Variants in TBC1D5 observed in about 807,000 individuals in gnomAD.
The protein encoded by TBC1D5 is TBC1 domain family member 5.
A neutral mutation model predicts 100.3 loss-of-function variants in TBC1D5; 75 were observed. The ratio of observed to expected loss-of-function variants is 0.75; its 90% confidence interval spans 0.62 to 0.91. The LOEUF (loss-of-function observed/expected upper bound fraction) is 0.91. TBC1D5 is among the 40% of genes least tolerant of loss of function. The probability of loss-of-function intolerance (pLI) is 0.00; values close to 1 mark genes in which losing one functional copy is unlikely to be tolerated. For synonymous variants in TBC1D5, 323 were observed against 325.6 expected, an observed-to-expected ratio of 0.99 and a Z score of 0.09; for missense variants, 910 against 942.4, an observed-to-expected ratio of 0.97 and a Z score of 0.45.
chr3:17,591,265 A>AAAAAAAAAAAAC (rs2096769423), intron 2 of TBC1D5, among the ~76,000 whole-genome samples: 5 of 109,196 alleles, frequency 4.6e-5, no homozygotes, highest in Non-Finnish European at 5.6e-5. Context: ...AAAAAAAAAA[A>AAAAAAAAAAAAC]ACAAAAACCC....
intron 3 of TBC1D5, among the ~76,000 whole-genome samples, chr3:17,497,942 C>T (rs1398747383): frequency 2.0e-5 from 3 of 151,930 alleles, no homozygotes; most frequent in Admixed American, 1.3e-4. Context: ...ACAAAATAGT[C>T]ACTGTAATTT....
intron 3 of TBC1D5, among the ~76,000 whole-genome samples, chr3:17,447,257 G>A (rs2094820477): frequency 1.3e-5 from 2 of 152,188 alleles, no homozygotes; most frequent in African/African-American, 4.8e-5. Context: ...CGAGAATAAA[G>A]CTACTGCTGT....
intron 3 of TBC1D5, among the ~76,000 whole-genome samples, chr3:17,457,294 C>T (rs1396316625): frequency 1.3e-5 from 2 of 152,006 alleles, no homozygotes; most frequent in Non-Finnish European, 2.9e-5. Flanking sequence ...ACTCTTTTCT[C>T]TTTTTTTCCA....
chr3:17,403,578 A>G (rs1472444744), intron 7 of TBC1D5, among the ~76,000 whole-genome samples: 2 of 152,120 alleles, frequency 1.3e-5, no homozygotes, highest in African/African-American at 2.4e-5. Context: ...AAAAAAATAC[A>G]AATCAGAAAA....
intron 8 of TBC1D5, among the ~76,000 whole-genome samples, chr3:17,391,432 C>A (rs1329346041): frequency 6.6e-6 from 1 of 152,060 alleles, no homozygotes; most frequent in East Asian, 1.9e-4. Context: ...AGCTATACTG[C>A]TCCCAAACTC....
At chr3:17,330,315 A>C (rs373815073) in intron 13 of TBC1D5, among the ~76,000 whole-genome samples, 6 of 152,126 alleles carry the variant, frequency 3.9e-5, no homozygotes, top group African/African-American at 1.4e-4. Context: ...TGGCACCCAC[A>C]TGAAGTTAAC....
chr3:17,222,812 T>TTA (rs2074430785), intron 17 of TBC1D5, among the ~76,000 whole-genome samples: 1 of 152,066 alleles, frequency 6.6e-6, no homozygotes, highest in South Asian at 2.1e-4. Flanking sequence ...TCCTGTGATA[T>TTA]TATACTCTAC....
chr3:17,254,275 A>C (rs2077431704), intron 16 of TBC1D5, among the ~76,000 whole-genome samples: 1 of 152,248 alleles, frequency 6.6e-6, no homozygotes. Context: ...GTTTAACTTC[A>C]TAAGAAATTA....
At chr3:17,463,351 T>C (rs2095247942) in intron 3 of TBC1D5, among the ~76,000 whole-genome samples, 1 of 152,210 alleles carries the variant, frequency 6.6e-6, no homozygotes, top group South Asian at 2.1e-4. Context: ...TTCCATTGGA[T>C]TGGATACTAC....
chr3:17,408,971 A>T (rs1431267542), intron 4 of TBC1D5, among the ~76,000 whole-genome samples: 1 of 152,148 alleles, frequency 6.6e-6, no homozygotes, highest in Non-Finnish European at 1.5e-5. Context: ...CCAAGTAGTT[A>T]CGCATATATA....
chr3:17,394,487 A>G (rs1044806441), intron 8 of TBC1D5, among the ~76,000 whole-genome samples: 1 of 152,104 alleles, frequency 6.6e-6, no homozygotes, highest in Non-Finnish European at 1.5e-5. Context: ...ATTTTACTAG[A>G]TGACTATTAA....
chr3:17,331,075 A>G (rs2151153211), intron 13 of TBC1D5, among the ~76,000 whole-genome samples: 1 of 152,060 alleles, frequency 6.6e-6, no homozygotes, highest in East Asian at 1.9e-4. Context: ...TCCTCTTCAT[A>G]CTACACCCTT....
In TBC1D5 at chr3:17,365,207, C is replaced by A. The variant is rs1312979076; in HGVS notation, c.995+6868G>T. 2.0e-5 allele frequency among the ~76,000 whole-genome samples: 3 copies of A among 152,130 alleles called. No individual in the cohort carries two copies. The East Asian group carries it at 5.8e-4, about 29-fold the overall frequency. ...ACATTGCTTTCCAGTAGTCCTCTTA[C>A]ACTTGTTTTCCTCTTGCTTGAATTA... On this transcript the variant is annotated intron_variant, in intron 13 of 21. Coordinates refer to ENST00000253692, the Ensembl canonical transcript of TBC1D5.
chr3:17,650,737 A>C (rs1464197026), intron 1 of TBC1D5, among the ~76,000 whole-genome samples: 3 of 152,170 alleles, frequency 2.0e-5, no homozygotes, highest in Non-Finnish European at 4.4e-5. Flanking sequence ...CTGAGGGATC[A>C]TCTTTAATAT....
chr3:17,328,874 A>G (rs954231563), intron 13 of TBC1D5, among the ~76,000 whole-genome samples: 3 of 152,202 alleles, frequency 2.0e-5, no homozygotes, highest in African/African-American at 7.2e-5. Flanking sequence ...AATTATATCT[A>G]TCGGTCATTT....
intron 3 of TBC1D5, among the ~76,000 whole-genome samples, chr3:17,446,579 G>A (rs1462612432): frequency 6.6e-6 from 1 of 152,182 alleles, no homozygotes; most frequent in Admixed American, 6.5e-5. Flanking sequence ...TCAGATATAT[G>A]AATCTGGAGC....
At chr3:17,167,778 T>C (rs2066785899) in exon 20 of TBC1D5, 8 of 1,612,764 alleles carry the variant, frequency 5.0e-6, no homozygotes, top group Non-Finnish European at 5.9e-6. Flanking sequence ...GAAACCAGAA[T>C]TTGATCTTCT....
chr3:17,538,426 C>T (rs1441190850), intron 2 of TBC1D5, among the ~76,000 whole-genome samples: 1 of 152,134 alleles, frequency 6.6e-6, no homozygotes, highest in East Asian at 1.9e-4. Flanking sequence ...TCAGCAAACC[C>T]AAGAACCATA....
At chr3:17,386,619 A>G (rs2093163215) in intron 8 of TBC1D5, among the ~76,000 whole-genome samples, 4 of 152,114 alleles carry the variant, frequency 2.6e-5, no homozygotes, top group Non-Finnish European at 5.9e-5. Context: ...CAAATAAGGC[A>G]AACACCAACC....
Sources: allele counts gnomAD v4.1 joint callset (sites outside exome capture counted in the v4.1 genomes callset), GRCh38; gene constraint gnomAD v4.1.1; transcripts MANE v1.5; gene names NCBI Gene and HGNC (gene_info 2026-07-23, HGNC 2026-07-21).